Variants in BMPR1B observed in about 807,000 individuals in gnomAD.
BMPR1B encodes the protein bone morphogenetic protein receptor type 1B.
In BMPR1B, 12 loss-of-function variants were observed where a neutral mutation model predicts 59.1. The observed-to-expected ratio is 0.20, with a 90% CI of 0.13 to 0.33. BMPR1B has a LOEUF of 0.33. Among genes scored for constraint, BMPR1B ranks in the 10% least tolerant of loss-of-function variants. BMPR1B has a pLI of 1.00. For synonymous variants in BMPR1B, 237 were observed against 207.3 expected (o/e 1.14, Z -1.23); for missense variants, 550 against 610.9 (o/e 0.90, Z 1.05).
chr4:94,765,190 A>G (rs1721922784), intron 1 of BMPR1B, among the ~76,000 whole-genome samples: 1 of 152,142 alleles, frequency 6.6e-6, no homozygotes, highest in Admixed American at 6.5e-5. Flanking sequence ...AAGAAAATAA[A>G]GTGCTTTATA....
chr4:95,049,785 A>C (rs1726332600), intron 3 of BMPR1B, among the ~76,000 whole-genome samples: 1 of 151,726 alleles, frequency 6.6e-6, no homozygotes, highest in Non-Finnish European at 1.5e-5. Context: ...GGGCCACTTC[A>C]TCTTAAAATG....
Position 94,786,597 on chromosome 4 carries a change from G to A in BMPR1B, c.-183+28529G>A, listed in dbSNP as rs544291087. Among the ~76,000 whole-genome samples the A allele has an allele frequency of 3.5e-4, 54 of 152,214 alleles. 1 individual carries two copies. The South Asian group carries it at 0.011, about 31-fold the overall frequency. ...TCTGTTGCCCAGGCTGGAATGCAGT[G>A]GTGCGATCTCAGCTCACTGCAAGCT... On this transcript the variant is annotated intron_variant, in intron 1 of 12. Coordinates refer to ENST00000515059, the MANE Select transcript of BMPR1B (RefSeq NM_001203.3).
At chr4:95,131,635 G>A in intron 10 of BMPR1B, 123 bp downstream of exon 10, 1 of 1,156,210 alleles carries the variant, frequency 8.6e-7, no homozygotes, top group Non-Finnish European at 1.2e-6. Flanking sequence ...CATTTGACGG[G>A]GAGAACCACC....
At chr4:94,811,793 G>A (rs1024042629) in intron 1 of BMPR1B, among the ~76,000 whole-genome samples, 8 of 152,088 alleles carry the variant, frequency 5.3e-5, no homozygotes, top group African/African-American at 1.9e-4. Context: ...ATTTGCAGAA[G>A]GAAATGATTT....
chr4:95,145,600 T>C, intron 10 of BMPR1B, among the ~76,000 whole-genome samples: 1 of 152,240 alleles, frequency 6.6e-6, no homozygotes, highest in East Asian at 1.9e-4. Context: ...TAACACAAGC[T>C]TGATTTTTCT....
At chr4:95,058,891 C>T (rs1727130746) in intron 3 of BMPR1B, among the ~76,000 whole-genome samples, 1 of 152,092 alleles carries the variant, frequency 6.6e-6, no homozygotes, top group Admixed American at 6.5e-5. Context: ...TGATTATGCA[C>T]TTTTTTATGG....
intron 2 of BMPR1B, among the ~76,000 whole-genome samples, chr4:94,979,390 C>CTA (rs1731152940): frequency 6.6e-6 from 1 of 152,146 alleles, no homozygotes; most frequent in South Asian, 2.1e-4. Context: ...TCAAGTTTTA[C>CTA]TATATAAACA....
chr4:94,851,669 TATTTA>T (rs1725571111), intron 1 of BMPR1B, among the ~76,000 whole-genome samples: 1 of 138,004 alleles, frequency 7.2e-6, no homozygotes, highest in African/African-American at 2.9e-5. Flanking sequence ...TATCTTATAA[TATTTA>T]TTATTTTCTG....
intron 3 of BMPR1B, among the ~76,000 whole-genome samples, chr4:95,045,615 A>C (rs1414785564): frequency 6.6e-6 from 1 of 152,084 alleles, no homozygotes; most frequent in East Asian, 1.9e-4. Context: ...ATCTTTGAAG[A>C]CCCAGTTCAA....
chr4:94,959,676 A>G (rs1730281763), intron 2 of BMPR1B, among the ~76,000 whole-genome samples: 1 of 152,180 alleles, frequency 6.6e-6, no homozygotes, highest in South Asian at 2.1e-4. Context: ...GTTCCATTTC[A>G]TAAAGTTAAT....
intron 3 of BMPR1B, among the ~76,000 whole-genome samples, chr4:94,999,705 A>G (rs2149107553): frequency 6.6e-6 from 1 of 152,286 alleles, no homozygotes; most frequent in Non-Finnish European, 1.5e-5. Context: ...GCTTCAGGAG[A>G]GAATAGGTCC....
At chr4:95,094,393 G>A (rs577098242) in intron 3 of BMPR1B, among the ~76,000 whole-genome samples, 85 of 152,038 alleles carry the variant, frequency 5.6e-4, no homozygotes, top group African/African-American at 1.9e-3. Flanking sequence ...AAGAGGAATT[G>A]AGGAAGAGGA....
chr4:95,022,531 G>C (rs376726475), intron 3 of BMPR1B, among the ~76,000 whole-genome samples: 3 of 151,994 alleles, frequency 2.0e-5, no homozygotes, highest in Admixed American at 1.3e-4. Flanking sequence ...TGAAATGGAA[G>C]GAAATTTTAT....
intron 1 of BMPR1B, among the ~76,000 whole-genome samples, chr4:94,820,079 A>G (rs73835813): frequency 0.037 from 5,667 of 152,258 alleles, 198 homozygotes; most frequent in African/African-American, 0.087. Flanking sequence ...CTACAAAACT[A>G]AGATTCTTGA....
intron 3 of BMPR1B, among the ~76,000 whole-genome samples, chr4:95,070,499 G>GT (rs1038479057): frequency 6.6e-6 from 1 of 152,126 alleles, no homozygotes; most frequent in African/African-American, 2.4e-5. Flanking sequence ...AAAAAGAAGA[G>GT]TAACTTCAGA....
rs143567464 is a variant in BMPR1B at position 94,966,192 on chromosome 4, A to G, written c.-112-29848A>G. On this transcript the variant is annotated intron_variant, in intron 2 of 12. Transcript: ENST00000515059. ...CTTAGTACTGTGTTGTTTCTGATTT[A>G]CAGCCCTGGTAATTTTTCTTGTTCT... 4.2e-3 allele frequency among the ~76,000 whole-genome samples: 647 copies of G among 152,278 alleles called. 2 individuals carry two copies. Among genetic ancestry groups the G allele is most frequent in the Non-Finnish European group, 6.6e-3 (449 of 67,994 alleles).
At chr4:94,961,847 G>A (rs1162069089) in intron 2 of BMPR1B, among the ~76,000 whole-genome samples, 2 of 151,966 alleles carry the variant, frequency 1.3e-5, no homozygotes, top group Non-Finnish European at 2.9e-5. Context: ...ATATTTATGG[G>A]AGTACATGTG....
chr4:95,105,847 A>C, intron 4 of BMPR1B, among the ~76,000 whole-genome samples: 1 of 152,066 alleles, frequency 6.6e-6, no homozygotes, highest in East Asian at 1.9e-4. Context: ...GGAGAGTTTA[A>C]AAATGTTTGA....
intron 3 of BMPR1B, among the ~76,000 whole-genome samples, chr4:95,061,371 C>A (rs1560625029): frequency 6.6e-6 from 1 of 152,120 alleles, no homozygotes; most frequent in African/African-American, 2.4e-5. Context: ...CTGGAGGAAG[C>A]TCAGCAATGC....
Sources: gnomAD v4.1 joint callset for allele counts (sites outside exome capture counted in the v4.1 genomes callset) on GRCh38, gnomAD v4.1.1 for gene constraint, MANE v1.5 for transcripts, NCBI Gene and HGNC (gene_info 2026-07-23, HGNC 2026-07-21) for gene names.